ARHGAP10: variants seen among roughly 807,000 people sequenced by gnomAD.
The protein encoded by ARHGAP10 is Rho GTPase activating protein 10.
A neutral mutation model predicts 108.6 loss-of-function variants in ARHGAP10; 87 were observed. The observed-to-expected ratio is 0.80, with a 90% CI of 0.67 to 0.96. The LOEUF is 0.96. Among genes scored for constraint, ARHGAP10 ranks in the 40% least tolerant of loss-of-function variants. The pLI, the probability that ARHGAP10 is intolerant of heterozygous loss-of-function variation, is 0.00. For missense variants in ARHGAP10, 939 were observed against 954.5 expected (o/e 0.98, Z 0.21); for synonymous variants, 347 against 341.1 (o/e 1.02, Z -0.19).
intron 18 of ARHGAP10, among the ~76,000 whole-genome samples, chr4:147,986,298 C>T (rs1740043740): frequency 1.3e-5 from 2 of 152,270 alleles, no homozygotes; most frequent in South Asian, 4.2e-4. Flanking sequence ...CATGGAGGGT[C>T]ATCAACTTGC....
At chr4:147,766,107 C>T (rs1010414936) in intron 1 of ARHGAP10, among the ~76,000 whole-genome samples, 3 of 151,770 alleles carry the variant, frequency 2.0e-5, no homozygotes, top group Non-Finnish European at 2.9e-5. Context: ...ATGGTGAAAC[C>T]CTGTCTTTAC....
intron 4 of ARHGAP10, among the ~76,000 whole-genome samples, chr4:147,851,704 G>GTAT (rs1733882533): frequency 6.6e-6 from 1 of 152,154 alleles, no homozygotes; most frequent in South Asian, 2.1e-4. Context: ...ATACAGCATA[G>GTAT]TATTAGAGGC....
intron 19 of ARHGAP10, 57 bp downstream of exon 19, chr4:148,023,470 A>T: frequency 6.4e-7 from 1 of 1,558,606 alleles, no homozygotes. Flanking sequence ...GGCGTATCAT[A>T]TGTCGTCAGG....
chr4:148,030,530 G>T (rs1728099813), intron 19 of ARHGAP10, among the ~76,000 whole-genome samples: 2 of 152,188 alleles, frequency 1.3e-5, no homozygotes, highest in Admixed American at 1.3e-4. Flanking sequence ...CCAATTCCAA[G>T]TGACTTCTGT....
chr4:147,781,551 TA>T (rs1370477444), intron 1 of ARHGAP10, among the ~76,000 whole-genome samples: 1 of 152,064 alleles, frequency 6.6e-6, no homozygotes, highest in Non-Finnish European at 1.5e-5. Flanking sequence ...TCTCCATTTT[TA>T]AAAAAGGGTA....
chr4:147,909,644 T>G, intron 11 of ARHGAP10, 88 bp from the exon 12 acceptor site: 1 of 1,135,436 alleles, frequency 8.8e-7, no homozygotes, highest in Non-Finnish European at 1.3e-6. Flanking sequence ...AAAAATGTAT[T>G]TTTTTTTGTA....
intron 1 of ARHGAP10, among the ~76,000 whole-genome samples, chr4:147,806,020 A>C (rs1731768747): frequency 1.3e-5 from 2 of 152,206 alleles, no homozygotes. Context: ...TGAGCCCTTT[A>C]TTATAATAAA....
intron 15 of ARHGAP10, among the ~76,000 whole-genome samples, chr4:147,950,072 C>T (rs1045288850): frequency 1.3e-5 from 2 of 152,030 alleles, no homozygotes; most frequent in African/African-American, 4.8e-5. Flanking sequence ...GCCTACAGAA[C>T]GACATTATGA....
In ARHGAP10 at chr4:147,866,790, A is replaced by G; in HGVS notation, c.676A>G (p.Met226Val). 1.9e-6 allele frequency: 3 copies of G among 1,612,248 alleles called. No individual in the cohort carries two copies. Among genetic ancestry groups the G allele is most frequent in the Non-Finnish European group, 2.5e-6 (3 of 1,178,348 alleles). The change falls in exon 7 of 23, where the codon ATG becomes GTG. Residue 226 changes from methionine (M) to valine (V), a missense_variant. Met to Val is a conservative substitution (Grantham distance 21). Coordinates refer to ENST00000336498, the MANE Select transcript of ARHGAP10 (RefSeq NM_024605.4). ...ELAKDFNHYK[M>V]ELQINIQNTR... is the part of the protein sequence containing the mutation. Reference sequence around the variant, plus strand: ...TGCCAAAGACTTCAATCACTACAAAATGGAACTACAGATCAACATTCAGAA... The same window carrying G: ...TGCCAAAGACTTCAATCACTACAAAGTGGAACTACAGATCAACATTCAGAA...
chr4:147,964,099 T>C (rs1404420480), intron 16 of ARHGAP10, among the ~76,000 whole-genome samples: 5 of 152,172 alleles, frequency 3.3e-5, no homozygotes, highest in Admixed American at 3.3e-4. Context: ...GCTGGCCCAT[T>C]CCTGGAGATA....
At chr4:147,830,260 G>C (rs1371091061) in intron 3 of ARHGAP10, among the ~76,000 whole-genome samples, 1 of 152,122 alleles carries the variant, frequency 6.6e-6, no homozygotes, top group African/African-American at 2.4e-5. Flanking sequence ...TATAGGGAAG[G>C]TACTAAGCTG....
chr4:147,965,187 G>A lies in ARHGAP10; in HGVS notation c.1556+58G>A. On this transcript the variant is annotated intron_variant, in intron 17 of 22. Coordinates refer to ENST00000336498, the MANE Select transcript of ARHGAP10 (RefSeq NM_024605.4). ...CACTTTGCTCTAGGTGCTGGGTAGTGCTCTGGGATTTGTGACGGGTGGAAC... is the reference window on the plus strand; with the variant it reads ...CACTTTGCTCTAGGTGCTGGGTAGTACTCTGGGATTTGTGACGGGTGGAAC... 4.4e-6 allele frequency: 6 copies of A among 1,358,422 alleles called. No individual in the cohort carries two copies. The South Asian group carries it at 7.2e-5, about 16-fold the overall frequency. 84.1% of individuals were successfully genotyped at this position (1,358,422 alleles called of 1,614,324 possible).
intron 13 of ARHGAP10, among the ~76,000 whole-genome samples, chr4:147,914,567 C>CA (rs1560824096): frequency 2.0e-5 from 1 of 49,876 alleles, no homozygotes; most frequent in Non-Finnish European, 4.6e-5. Flanking sequence ...CCCCCCCCCC[C>CA]CTTTTTTTTT....
chr4:147,782,652 A>G (rs1730585630), intron 1 of ARHGAP10: 2 of 151,640 alleles, frequency 1.3e-5, no homozygotes, highest in South Asian at 4.1e-4. Context: ...GGCATGCTGC[A>G]TTTATATATT....
At chr4:147,793,283 T>C (rs1731191371) in intron 1 of ARHGAP10, among the ~76,000 whole-genome samples, 1 of 151,160 alleles carries the variant, frequency 6.6e-6, no homozygotes, top group Non-Finnish European at 1.5e-5. Context: ...CTTAGCAATA[T>C]TGGGGTAAAA....
intron 8 of ARHGAP10, among the ~76,000 whole-genome samples, chr4:147,875,750 T>G (rs1279436391): frequency 6.6e-6 from 1 of 152,192 alleles, no homozygotes; most frequent in Non-Finnish European, 1.5e-5. Flanking sequence ...CATCCTAACT[T>G]GTAGGCTTTT....
At chr4:147,947,602 C>T (rs1003833844) in intron 15 of ARHGAP10, among the ~76,000 whole-genome samples, 21 of 151,810 alleles carry the variant, frequency 1.4e-4, no homozygotes, top group African/African-American at 4.8e-4. Flanking sequence ...GGGGTTTCGC[C>T]ATGTTGACCA....
intron 18 of ARHGAP10, among the ~76,000 whole-genome samples, chr4:148,007,840 G>A (rs1447919478): frequency 6.6e-6 from 1 of 152,106 alleles, no homozygotes; most frequent in African/African-American, 2.4e-5. Flanking sequence ...TGGCTTGCTG[G>A]GTTTCTTTCT....
At chr4:147,789,267 G>A (rs959982469) in intron 1 of ARHGAP10, among the ~76,000 whole-genome samples, 2 of 152,140 alleles carry the variant, frequency 1.3e-5, no homozygotes, top group Non-Finnish European at 2.9e-5. Context: ...AGTGGGCTGA[G>A]GGCCACTTGG....
Sources: gnomAD v4.1 joint callset for allele counts (sites outside exome capture counted in the v4.1 genomes callset) on GRCh38, gnomAD v4.1.1 for gene constraint, MANE v1.5 for transcripts, NCBI Gene and HGNC (gene_info 2026-07-23, HGNC 2026-07-21) for gene names.